The following GALNTL6 variants were observed in gnomAD, a reference collection of about 807,000 sequenced individuals.
GALNTL6 encodes polypeptide N-acetylgalactosaminyltransferase-like 6.
A neutral mutation model predicts 73.7 loss-of-function variants in GALNTL6; 46 were observed. That is an observed-to-expected ratio of 0.62 (90% CI 0.49 to 0.80). The LOEUF is 0.80. Among genes scored for constraint, GALNTL6 ranks in the 30% least tolerant of loss-of-function variants. The pLI is 0.00. For missense variants in GALNTL6, 604 were observed against 755.0 expected (o/e 0.80, Z 2.34); for synonymous variants, 259 against 263.7 (o/e 0.98, Z 0.17).
chr4:172,904,585 C>T (rs574644788), intron 8 of GALNTL6, among the ~76,000 whole-genome samples: 11 of 152,262 alleles, frequency 7.2e-5, no homozygotes, highest in African/African-American at 2.4e-4. Context: ...AGTGATGAGT[C>T]TGTTGGGGAG....
chr4:172,762,567 C>A (rs1211735926), intron 5 of GALNTL6, among the ~76,000 whole-genome samples: 1 of 151,998 alleles, frequency 6.6e-6, no homozygotes, highest in African/African-American at 2.4e-5. Context: ...CAAACCCCAT[C>A]ATCAGCTCTC....
intron 12 of GALNTL6, among the ~76,000 whole-genome samples, chr4:173,023,395 C>T (rs909671489): frequency 6.6e-6 from 1 of 152,232 alleles, no homozygotes; most frequent in South Asian, 2.1e-4. Flanking sequence ...CAGTAGCTCA[C>T]GCTTGTCATC....
At chr4:172,642,593 C>G (rs1291964184) in intron 5 of GALNTL6, among the ~76,000 whole-genome samples, 2 of 151,732 alleles carry the variant, frequency 1.3e-5, no homozygotes, top group Non-Finnish European at 2.9e-5. Flanking sequence ...GAGATGTGAT[C>G]ATTGAATACA....
At chr4:172,207,040 A>G (rs767973561) in intron 2 of GALNTL6, among the ~76,000 whole-genome samples, 49 of 151,210 alleles carry the variant, frequency 3.2e-4, no homozygotes, top group Non-Finnish European at 6.5e-4. Flanking sequence ...GATGATCTCA[A>G]TCTCCTGACC....
intron 5 of GALNTL6, among the ~76,000 whole-genome samples, chr4:172,623,985 C>T (rs1173743814): frequency 1.3e-5 from 2 of 152,100 alleles, no homozygotes; most frequent in East Asian, 3.9e-4. Flanking sequence ...TAGAATTAAT[C>T]ATGGAACCTA....
chr4:172,671,690 A>G (rs1731995396), intron 5 of GALNTL6, among the ~76,000 whole-genome samples: 1 of 152,152 alleles, frequency 6.6e-6, no homozygotes, highest in Admixed American at 6.5e-5. Flanking sequence ...TTCCAATACT[A>G]TGTTGAGTAG....
At chr4:172,055,353 ATGCT>A (rs1301795327) in intron 2 of GALNTL6, among the ~76,000 whole-genome samples, 6 of 152,102 alleles carry the variant, frequency 3.9e-5, no homozygotes, top group African/African-American at 1.2e-4. Flanking sequence ...AACTCTCCTA[ATGCT>A]TCACTGCTGC....
intron 7 of GALNTL6, among the ~76,000 whole-genome samples, chr4:172,833,358 G>T (rs1209817266): frequency 1.3e-5 from 2 of 152,154 alleles, no homozygotes; most frequent in Non-Finnish European, 2.9e-5. Flanking sequence ...ATACTGCTGT[G>T]AGTGGATGCC....
chr4:171,838,034 C>T (rs775028551), intron 2 of GALNTL6, among the ~76,000 whole-genome samples: 4 of 151,890 alleles, frequency 2.6e-5, no homozygotes, highest in Non-Finnish European at 4.4e-5. Context: ...CATGTAGTTT[C>T]TCCCTTCACT....
intron 5 of GALNTL6, among the ~76,000 whole-genome samples, chr4:172,648,885 T>C (rs977788116): frequency 3.5e-4 from 53 of 152,176 alleles, no homozygotes; most frequent in African/African-American, 1.3e-3. Flanking sequence ...ATCTTAACTT[T>C]TTTCCTGTGA....
intron 5 of GALNTL6, among the ~76,000 whole-genome samples, chr4:172,537,353 G>A (rs569006795): frequency 6.6e-6 from 1 of 152,278 alleles, no homozygotes; most frequent in East Asian, 1.9e-4. Context: ...AATCATGGGA[G>A]TGGTTACCTC....
chr4:172,793,397 C>T (rs1277713365), intron 5 of GALNTL6, among the ~76,000 whole-genome samples: 1 of 152,096 alleles, frequency 6.6e-6, no homozygotes, highest in East Asian at 1.9e-4. Flanking sequence ...TGGTAAAACA[C>T]TAGCAATGCA....
intron 2 of GALNTL6, among the ~76,000 whole-genome samples, chr4:172,057,460 G>A (rs1213499267): frequency 4.0e-5 from 6 of 151,568 alleles, no homozygotes; most frequent in Non-Finnish European, 7.4e-5. Context: ...AGGCCAAAGC[G>A]GGAGGATCAT....
intron 5 of GALNTL6, among the ~76,000 whole-genome samples, chr4:172,553,856 A>C (rs1402838732): frequency 6.6e-6 from 1 of 152,000 alleles, no homozygotes; most frequent in Admixed American, 6.6e-5. Context: ...CAGGAGTTTG[A>C]GACTATCCTG....
chr4:172,725,267 T>G (rs2111371135), intron 5 of GALNTL6, among the ~76,000 whole-genome samples: 1 of 152,354 alleles, frequency 6.6e-6, no homozygotes, highest in East Asian at 1.9e-4. Flanking sequence ...AACTTCCAAC[T>G]GAATATTACA....
chr4:172,307,805 G>C (rs963333705), intron 3 of GALNTL6, among the ~76,000 whole-genome samples: 2 of 151,882 alleles, frequency 1.3e-5, no homozygotes, highest in African/African-American at 4.8e-5. Context: ...CTCCAGATTT[G>C]TTCCTTTTTC....
intron 2 of GALNTL6, among the ~76,000 whole-genome samples, chr4:172,021,416 A>G (rs570355187): frequency 6.6e-6 from 1 of 152,200 alleles, no homozygotes; most frequent in South Asian, 2.1e-4. Context: ...AATGAAAACT[A>G]TAAGACATTG....
intron 2 of GALNTL6, among the ~76,000 whole-genome samples, chr4:171,830,694 A>G (rs1421931700): frequency 6.6e-6 from 1 of 152,168 alleles, no homozygotes; most frequent in Non-Finnish European, 1.5e-5. Flanking sequence ...TTGATACTGA[A>G]CATTGTAAGA....
chr4:172,129,612 T>C (rs529284583), intron 2 of GALNTL6, among the ~76,000 whole-genome samples: 1 of 151,876 alleles, frequency 6.6e-6, no homozygotes, highest in South Asian at 2.1e-4. Flanking sequence ...AAAATCAGAG[T>C]GCTCACAAAA....
Sources: allele counts gnomAD v4.1 joint callset (sites outside exome capture counted in the v4.1 genomes callset), GRCh38; gene constraint gnomAD v4.1.1; transcripts MANE v1.5; gene names NCBI Gene and HGNC (gene_info 2026-07-23, HGNC 2026-07-21).